SRRM4: variants seen among roughly 807,000 people sequenced by gnomAD.
SRRM4 encodes serine/arginine repetitive matrix protein 4.
In SRRM4, 33 loss-of-function variants were observed where a neutral mutation model predicts 68.9. That is an observed-to-expected ratio of 0.48 (90% CI 0.36 to 0.64). SRRM4 has a LOEUF of 0.64. SRRM4 is among the 30% of genes least tolerant of loss of function. The pLI is 0.00. For synonymous variants in SRRM4, 318 were observed against 318.8 expected (o/e 1.00, Z 0.03); for missense variants, 817 against 827.1 (o/e 0.99, Z 0.15).
At chr12:119,152,617 G>T (rs1954446898) in intron 10 of SRRM4, among the ~76,000 whole-genome samples, 3 of 152,214 alleles carry the variant, frequency 2.0e-5, no homozygotes, top group African/African-American at 7.2e-5. Context: ...TCTATATGGT[G>T]CAGTGAATGG....
At chr12:119,071,173 G>A (rs1953875821) in intron 1 of SRRM4, among the ~76,000 whole-genome samples, 1 of 152,258 alleles carries the variant, frequency 6.6e-6, no homozygotes, top group Middle Eastern at 3.4e-3. Flanking sequence ...GATTCCAAAC[G>A]TAGCCCTAGT....
At chr12:119,102,563 T>C (rs1278050126) in intron 2 of SRRM4, among the ~76,000 whole-genome samples, 181 bp downstream of exon 2, 1 of 152,192 alleles carries the variant, frequency 6.6e-6, no homozygotes, top group Non-Finnish European at 1.5e-5. Context: ...GTGGTTTCTG[T>C]CACAACTACT....
intron 1 of SRRM4, among the ~76,000 whole-genome samples, chr12:119,019,961 C>CCCCCCA (rs547396065): frequency 1.1e-5 from 1 of 90,022 alleles, no homozygotes; most frequent in African/African-American, 4.3e-5. Context: ...CCCCCCCCCC[C>CCCCCCA]AAAAAAAAAT....
chr12:119,138,720 G>T (rs1036322033), intron 8 of SRRM4, among the ~76,000 whole-genome samples: 1 of 152,108 alleles, frequency 6.6e-6, no homozygotes, highest in Non-Finnish European at 1.5e-5. Flanking sequence ...GAGGTTCCTT[G>T]CCCTCTCAAA....
intron 1 of SRRM4, among the ~76,000 whole-genome samples, chr12:119,058,676 T>C (rs1953792043): frequency 1.3e-5 from 2 of 152,150 alleles, no homozygotes; most frequent in Non-Finnish European, 2.9e-5. Context: ...CAGAAATCTT[T>C]TCCCCCTCCC....
chr12:119,090,306 G>A (rs1482359814), intron 1 of SRRM4, among the ~76,000 whole-genome samples: 1 of 152,158 alleles, frequency 6.6e-6, no homozygotes, highest in Admixed American at 6.5e-5. Context: ...AAGAAAGCCT[G>A]AGATAGAGGT....
intron 1 of SRRM4, among the ~76,000 whole-genome samples, chr12:119,041,073 G>C (rs945503479): frequency 6.6e-6 from 1 of 151,930 alleles, no homozygotes; most frequent in Non-Finnish European, 1.5e-5. Flanking sequence ...TTGACTACTC[G>C]TTATATCCAG....
intron 1 of SRRM4, among the ~76,000 whole-genome samples, chr12:119,049,479 G>A (rs187289123): frequency 1.1e-3 from 171 of 152,292 alleles, no homozygotes; most frequent in African/African-American, 4.1e-3. Context: ...AGTGAGATAG[G>A]AAGCCTCGGT....
chr12:118,998,530 A>C (rs1257042666), intron 1 of SRRM4, among the ~76,000 whole-genome samples: 1 of 152,188 alleles, frequency 6.6e-6, no homozygotes, highest in Non-Finnish European at 1.5e-5. Context: ...TCAAGTGCTA[A>C]CTATTGAACA....
At chr12:119,089,745 A>G (rs59280143) in intron 1 of SRRM4, among the ~76,000 whole-genome samples, 32,128 of 119,036 alleles carry the variant, frequency 0.27, 4,071 homozygotes, top group South Asian at 0.34. Flanking sequence ...ATCATCCTCA[A>G]TATCATCATC....
chr12:119,012,899 A>C (rs943970349), intron 1 of SRRM4, among the ~76,000 whole-genome samples: 6 of 152,016 alleles, frequency 3.9e-5, no homozygotes, highest in Non-Finnish European at 7.4e-5. Context: ...AGACCCAATT[A>C]CCCTCTAAAC....
chr12:119,076,531 G>A (rs1953917410), intron 1 of SRRM4, among the ~76,000 whole-genome samples: 1 of 152,178 alleles, frequency 6.6e-6, no homozygotes, highest in Admixed American at 6.5e-5. Flanking sequence ...TTCCTCATCT[G>A]CGAATTAAGT....
intron 1 of SRRM4, among the ~76,000 whole-genome samples, chr12:119,079,633 G>T (rs79752489): frequency 6.6e-6 from 1 of 152,142 alleles, no homozygotes; most frequent in Non-Finnish European, 1.5e-5. Flanking sequence ...CCCTGTGGTC[G>T]CACACTTTGT....
chr12:119,001,817 T>TATAAAATAAAACAAA (rs888057043), intron 1 of SRRM4: 1 of 151,980 alleles, frequency 6.6e-6, no homozygotes, highest in Admixed American at 6.6e-5. Context: ...ACCTTGCCTC[T>TATAAAATAAAACAAA]ATAAAATAAA....
At chr12:119,005,188 G>A (rs1434412214) in intron 1 of SRRM4, among the ~76,000 whole-genome samples, 2 of 152,206 alleles carry the variant, frequency 1.3e-5, no homozygotes, top group Admixed American at 1.3e-4. Context: ...AAGCATTCAG[G>A]GATTAACCCT....
chr12:118,999,687 C>T (rs61939808), intron 1 of SRRM4, among the ~76,000 whole-genome samples: 7,603 of 152,184 alleles, frequency 0.05, 256 homozygotes, highest in Middle Eastern at 0.16. Context: ...CCCTGTAAGA[C>T]AGGGAATATT....
At chr12:119,146,144 G>C (rs1359964217) in intron 9 of SRRM4, among the ~76,000 whole-genome samples, 1 of 152,154 alleles carries the variant, frequency 6.6e-6, no homozygotes, top group African/African-American at 2.4e-5. Flanking sequence ...TATGCTGTTG[G>C]CCAGAATGTG....
At chr12:119,039,954 A>G in intron 1 of SRRM4, among the ~76,000 whole-genome samples, 1 of 152,114 alleles carries the variant, frequency 6.6e-6, no homozygotes, top group East Asian at 1.9e-4. Context: ...TGTCCCAACT[A>G]TTTCCATTCT....
chr12:119,079,159 T>A (rs971023514), intron 1 of SRRM4, among the ~76,000 whole-genome samples: 2 of 152,112 alleles, frequency 1.3e-5, no homozygotes, highest in Admixed American at 1.3e-4. Flanking sequence ...TGTGAAGACA[T>A]GAAATCATGA....
Sources: gnomAD v4.1 joint callset for allele counts (sites outside exome capture counted in the v4.1 genomes callset) on GRCh38, gnomAD v4.1.1 for gene constraint, MANE v1.5 for transcripts, NCBI Gene and HGNC (gene_info 2026-07-23, HGNC 2026-07-21) for gene names.